Variants in VPS41 observed in about 807,000 individuals in gnomAD.
VPS41 encodes vacuolar protein sorting-associated protein 41 homolog.
VPS41 carries 85 observed loss-of-function variants against 130.9 expected under a neutral mutation model. That is an observed-to-expected ratio of 0.65 (90% confidence interval 0.55 to 0.78). VPS41 has a LOEUF of 0.78. Among genes scored for constraint, VPS41 ranks in the 30% least tolerant of loss-of-function variants. VPS41 has a pLI of 0.00. For missense variants in VPS41, 874 were observed against 1,018.7 expected (o/e 0.86, Z 1.93); for synonymous variants, 335 against 332.9 (o/e 1.01, Z -0.07).
chr7:38,785,284 A>C (rs116900119), intron 10 of VPS41, among the ~76,000 whole-genome samples: 182 of 152,374 alleles, frequency 1.2e-3, no homozygotes, highest in Non-Finnish European at 1.8e-3. Flanking sequence ...CATTAAAGTA[A>C]AACTGACTTC....
chr7:38,877,727 T>C (rs1032685341), intron 2 of VPS41, among the ~76,000 whole-genome samples: 2 of 152,184 alleles, frequency 1.3e-5, no homozygotes, highest in African/African-American at 2.4e-5. Context: ...AAATTCACTA[T>C]AGCAGTAAGC....
intron 2 of VPS41, among the ~76,000 whole-genome samples, chr7:38,896,774 T>C (rs1045780041): frequency 1.3e-5 from 2 of 152,184 alleles, no homozygotes; most frequent in Non-Finnish European, 2.9e-5. Flanking sequence ...ATGGCTAGAG[T>C]CATATCAGTG....
At chr7:38,863,944 A>G (rs1475122636) in intron 3 of VPS41, among the ~76,000 whole-genome samples, 1 of 152,220 alleles carries the variant, frequency 6.6e-6, no homozygotes, top group Non-Finnish European at 1.5e-5. Context: ...TCCAAAGCAA[A>G]AGAATGTTCT....
intron 2 of VPS41, among the ~76,000 whole-genome samples, chr7:38,874,685 A>C (rs4720308): frequency 0.32 from 48,661 of 152,046 alleles, 8,307 homozygotes; most frequent in Admixed American, 0.5. Context: ...AACACACACA[A>C]AAAAAACCTT....
At chr7:38,857,745 C>T (rs1252848988) in intron 4 of VPS41, among the ~76,000 whole-genome samples, 1 of 152,128 alleles carries the variant, frequency 6.6e-6, no homozygotes, top group Non-Finnish European at 1.5e-5. Context: ...GACCATGACC[C>T]ATGACAAAGC....
intron 11 of VPS41, among the ~76,000 whole-genome samples, chr7:38,775,910 A>G (rs1784250081): frequency 6.6e-6 from 1 of 151,888 alleles, no homozygotes; most frequent in Non-Finnish European, 1.5e-5. Flanking sequence ...AATTTCTTCT[A>G]TATACAGCAT....
At chr7:38,751,698 GA>G (rs1783676128) in intron 22 of VPS41, among the ~76,000 whole-genome samples, 1 of 152,128 alleles carries the variant, frequency 6.6e-6, no homozygotes, top group African/African-American at 2.4e-5. Flanking sequence ...GGATGTAGGA[GA>G]AACAAAGAAA....
In VPS41 at chr7:38,862,469, TG is replaced by T. The variant is rs759138422; in HGVS notation, c.246+75del. ...TCCTCTTTATGCTATTAAAACAAAC[TG>T]GTAAACCAATATTCTAAAACACAAA... On this transcript the variant is annotated intron_variant, in intron 4 of 28. Transcript: ENST00000310301. The T allele has an allele frequency of 2.9e-4, 266 of 919,572 alleles. 2 individuals carry two copies. Among genetic ancestry groups the T allele is most frequent in the Middle Eastern group, 1.3e-3 (5 of 3,980 alleles). 57.0% of individuals were successfully genotyped at this position (919,572 alleles called of 1,614,324 possible).
At chr7:38,746,335 C>T (rs1795984562) in intron 22 of VPS41, among the ~76,000 whole-genome samples, 1 of 151,408 alleles carries the variant, frequency 6.6e-6, no homozygotes, top group South Asian at 2.1e-4. Context: ...TTACTATATT[C>T]TCTGTGCTGG....
Position 38,809,250 on chromosome 7 carries a change from C to T in VPS41, c.450+8567G>A, listed in dbSNP as rs1356322669. ...CTGTAATCCTAGCACTTTGGGAGGC[C>T]GAGGCAGGCGGATCACGAGGTCAGG... is the stretch of plus-strand genomic sequence containing the variant. On this transcript the variant is annotated intron_variant, in intron 7 of 28. Transcript: ENST00000310301. 3.3e-5 allele frequency among the ~76,000 whole-genome samples: 5 copies of T among 150,872 alleles called. No homozygotes were observed. The East Asian group carries it at 5.8e-4, about 18-fold the overall frequency.
chr7:38,724,633 GC>G lies in VPS41; in HGVS notation c.*1612del. On this transcript the variant is annotated 3_prime_UTR_variant, in exon 29 of 29. Transcript: ENST00000310301. ...TTTGAGACGGAGTTTTGCTCTTGTT[GC>G]CCAGGCTGGAGTGCAATGGCGCGAT... The G allele has an allele frequency of 7.5e-6, 1 of 133,578 alleles. No individual in the cohort carries two copies. Among genetic ancestry groups the G allele is most frequent in the Non-Finnish European group, 1.5e-5 (1 of 65,832 alleles). 8.3% of individuals were successfully genotyped at this position (133,578 alleles called of 1,614,324 possible). A position where few individuals can be genotyped will look rare whatever the true frequency, so the allele number is the denominator to read the frequency against.
At chr7:38,842,444 A>G (rs1785627311) in intron 4 of VPS41, among the ~76,000 whole-genome samples, 1 of 152,220 alleles carries the variant, frequency 6.6e-6, no homozygotes, top group African/African-American at 2.4e-5. Flanking sequence ...TTTAAACAGA[A>G]CAACCATACA....
chr7:38,789,906 G>A (rs748100873), intron 9 of VPS41, 39 bp from the exon 10 acceptor site: 5 of 1,604,896 alleles, frequency 3.1e-6, no homozygotes, highest in Non-Finnish European at 3.4e-6. Context: ...TTCATTTGAT[G>A]GAAAATTCTT....
chr7:38,848,224 G>A (rs1220044854), intron 4 of VPS41, among the ~76,000 whole-genome samples: 1 of 152,286 alleles, frequency 6.6e-6, no homozygotes, highest in Middle Eastern at 3.4e-3. Flanking sequence ...GACCTGCACT[G>A]GGATCGACTT....
At chr7:38,805,147 T>C (rs1235322074) in intron 7 of VPS41, among the ~76,000 whole-genome samples, 2 of 152,170 alleles carry the variant, frequency 1.3e-5, no homozygotes, top group Non-Finnish European at 2.9e-5. Flanking sequence ...AGTGAGTATA[T>C]CAAAAAGAGA....
At chr7:38,844,159 A>G (rs570778081) in intron 4 of VPS41, among the ~76,000 whole-genome samples, 1 of 152,362 alleles carries the variant, frequency 6.6e-6, no homozygotes, top group African/African-American at 2.4e-5. Flanking sequence ...TCCTAATACA[A>G]GAGTGCACAA....
At chr7:38,740,601 C>G (rs993483145) in intron 25 of VPS41, among the ~76,000 whole-genome samples, 5 of 152,134 alleles carry the variant, frequency 3.3e-5, no homozygotes, top group African/African-American at 1.2e-4. Context: ...AAGCTTTTTG[C>G]GGAACAGGTA....
Position 38,814,850 on chromosome 7 carries a change from A to C in VPS41, c.450+2967T>G, listed in dbSNP as rs1443145345. Among the ~76,000 whole-genome samples, 4 of 152,150 alleles carry C rather than the reference A, an allele frequency of 2.6e-5. No homozygotes were observed. The East Asian group carries it at 7.7e-4, about 29-fold the overall frequency. ...AAATTGAAAATCAAAACTGCATCAA[A>C]ACATGCTAGGGAAATATTTAAACCA... On this transcript the variant is annotated intron_variant, in intron 7 of 28. Transcript: ENST00000310301.
intron 2 of VPS41, among the ~76,000 whole-genome samples, chr7:38,877,824 T>C (rs1352887041): frequency 6.6e-6 from 1 of 152,194 alleles, no homozygotes; most frequent in Non-Finnish European, 1.5e-5. Context: ...TCAAGAAACA[T>C]AACCCACCTG....
Sources: gnomAD v4.1 joint callset for allele counts (sites outside exome capture counted in the v4.1 genomes callset) on GRCh38, gnomAD v4.1.1 for gene constraint, MANE v1.5 for transcripts, NCBI Gene and HGNC (gene_info 2026-07-23, HGNC 2026-07-21) for gene names.